The following SENP2 variants were observed in gnomAD, a reference collection of about 807,000 sequenced individuals.
SENP2 encodes the protein sentrin-specific protease 2.
A neutral mutation model predicts 86.3 loss-of-function variants in SENP2; 16 were observed. The observed-to-expected ratio is 0.19, with a 90% CI of 0.13 to 0.28. The LOEUF is 0.28. SENP2 is among the 10% of genes least tolerant of loss of function. SENP2 has a pLI of 1.00. For synonymous variants in SENP2, 222 were observed against 238.7 expected (o/e 0.93, Z 0.64); for missense variants, 552 against 703.0 (o/e 0.79, Z 2.43).
intron 5 of SENP2, among the ~76,000 whole-genome samples, chr3:185,601,233 T>G (rs1222430920): frequency 1.3e-5 from 2 of 151,724 alleles, no homozygotes; most frequent in Non-Finnish European, 2.9e-5. Context: ...TTAGTAGATA[T>G]GGGGTTTCGC....
At position 185,606,495 on chromosome 3, in the gene SENP2, G is replaced by T; in HGVS notation, c.615G>T (p.Glu205Asp). Reference protein sequence around the residue: ...KGLRRPHCTVEEGVQKEEREK... With the variant: ...KGLRRPHCTVDEGVQKEEREK... Reference sequence around the variant, plus strand: ...TGAGGCGTCCCCATTGTACTGTGGAGGAGGTAAGCCTTTTCAGCTTGATTT... The same window carrying T: ...TGAGGCGTCCCCATTGTACTGTGGATGAGGTAAGCCTTTTCAGCTTGATTT... Residue 205 changes from glutamate (E) to aspartate (D), a missense_variant, in exon 6 of 17, where the codon GAG becomes GAT. Glu to Asp is a conservative substitution (Grantham distance 45, BLOSUM62 2). Around this residue, in one of 2 missense-constraint regions of SENP2, gnomAD observed 383 missense variants for 427.3 expected, o/e 0.90. Transcript: ENST00000296257. 1 of 1,583,526 alleles carries T rather than the reference G, an allele frequency of 6.3e-7. No individual in the cohort carries two copies. The highest frequency in any genetic ancestry group is 8.5e-7 in the Non-Finnish European group (1 of 1,170,082).
intron 9 of SENP2, among the ~76,000 whole-genome samples, chr3:185,613,088 A>ATTC (rs1722747562): frequency 6.6e-6 from 1 of 152,238 alleles, no homozygotes; most frequent in Admixed American, 6.5e-5. Flanking sequence ...GAACATGCGA[A>ATTC]TTCATTTACA....
Position 185,629,958 on chromosome 3 carries a change from G to A in SENP2, c.*114G>A. The A allele has an allele frequency of 9.3e-7, 1 of 1,080,992 alleles. No individual in the cohort carries two copies. Among genetic ancestry groups the A allele is most frequent in the Non-Finnish European group, 1.4e-6 (1 of 718,516 alleles). 67.0% of individuals were successfully genotyped at this position (1,080,992 alleles called of 1,614,324 possible). A position where few individuals can be genotyped will look rare whatever the true frequency, so the allele number is the denominator to read the frequency against. ...CATCACTTCTGTTCTCACAGGTACTGAGCTGTCAAAAGTGCATGAAGGCCT... is the reference window on the plus strand; with the variant it reads ...CATCACTTCTGTTCTCACAGGTACTAAGCTGTCAAAAGTGCATGAAGGCCT... On this transcript the variant is annotated 3_prime_UTR_variant, in exon 17 of 17. Transcript: ENST00000296257.
chr3:185,598,035 C>T (rs1223604874), intron 2 of SENP2, among the ~76,000 whole-genome samples: 1 of 151,602 alleles, frequency 6.6e-6, no homozygotes, highest in Non-Finnish European at 1.5e-5. Context: ...TTTTCAGAGA[C>T]AGAGTCTCAC....
In SENP2 at chr3:185,614,720, G is replaced by A. The variant is rs772605303; in HGVS notation, c.1090G>A (p.Asp364Asn). The A allele has an allele frequency of 2.5e-6, 4 of 1,613,950 alleles. No homozygotes were observed. The highest frequency in any genetic ancestry group is 1.1e-5 in the South Asian group (1 of 91,066). The change falls in exon 11 of 17, where the codon GAT becomes AAT. Residue 364 changes from aspartate (D) to asparagine (N), a missense_variant. Physicochemically the swap from Asp to Asn is conservative, Grantham distance 23. Around this residue, in one of 2 missense-constraint regions of SENP2, gnomAD observed 169 missense variants for 275.7 expected, o/e 0.61. Transcript: ENST00000296257. ...SGKERDRRTD[D>N]LLELTEDMEK... ...CAAAGAGAGGGACAGAAGAACGGAC[G>A]ATCTCCTTGAACTTACAGAGGTATT...
rs371706218 is a variant in SENP2, at chr3:185,599,597, G to C, written c.358+573G>C. On this transcript the variant is annotated intron_variant, in intron 4 of 16. Transcript: ENST00000296257. ...CCACTCAGGAAGGCTTGTAAAGTTGGGGGGGAAGGAAGTTAAGGAAAATGA... is the reference window on the plus strand; with the variant it reads ...CCACTCAGGAAGGCTTGTAAAGTTGCGGGGGAAGGAAGTTAAGGAAAATGA... 7.1e-4 allele frequency among the ~76,000 whole-genome samples: 108 copies of C among 152,182 alleles called. 4 individuals are homozygous for C. The South Asian group carries it at 0.021, about 30-fold the overall frequency.
intron 1 of SENP2, among the ~76,000 whole-genome samples, chr3:185,589,183 C>G: frequency 6.6e-6 from 1 of 151,720 alleles, no homozygotes; most frequent in East Asian, 1.9e-4. Flanking sequence ...CTGAAACTTT[C>G]CTCAATTCCA....
intron 10 of SENP2, among the ~76,000 whole-genome samples, chr3:185,614,348 G>C (rs561936833): frequency 1.7e-4 from 26 of 152,330 alleles, no homozygotes; most frequent in Non-Finnish European, 3.4e-4. Flanking sequence ...TGTTCTGTTT[G>C]ATGGTTCATA....
intron 2 of SENP2, among the ~76,000 whole-genome samples, chr3:185,593,489 T>C (rs1722074987): frequency 1.3e-5 from 2 of 152,090 alleles, no homozygotes; most frequent in Non-Finnish European, 2.9e-5. Flanking sequence ...TAGATACCAA[T>C]TTAGGAAATG....
rs1341416821 is a variant in SENP2, at chr3:185,586,539, C to T, written c.101+25C>T. On this transcript the variant is annotated intron_variant, in intron 1 of 16. Transcript: ENST00000296257. The surrounding 1 kb of genome is among the most constrained non-coding windows in gnomAD (Gnocchi z 4.3). ...GGTGAGACGAGAGGGGGCTGAGCGC[C>T]AGCCTGGCCTTACCCCCTCCCCCAC... is the stretch of plus-strand genomic sequence containing the variant. 5 of 1,598,768 alleles carry T rather than the reference C, an allele frequency of 3.1e-6. No homozygotes were observed. Among genetic ancestry groups the T allele is most frequent in the Non-Finnish European group, 4.3e-6 (5 of 1,170,568 alleles).
At chr3:185,623,935 A>C in intron 14 of SENP2, 63 bp from the exon 15 acceptor site, 1 of 941,582 alleles carries the variant, frequency 1.1e-6, no homozygotes, top group Admixed American at 2.1e-5. Context: ...AGCCCTATGT[A>C]ACCATAATGG....
intron 16 of SENP2, among the ~76,000 whole-genome samples, chr3:185,629,447 A>G (rs1577751876): frequency 6.6e-6 from 1 of 152,226 alleles, no homozygotes; most frequent in South Asian, 2.1e-4. Flanking sequence ...GTGTGCTGGC[A>G]CATACCTGTA....
rs370299367 is a variant in SENP2 at position 185,614,535 on chromosome 3, C to G, written c.934-29C>G. 1.6e-4 allele frequency: 258 copies of G among 1,571,340 alleles called. 2 individuals carry two copies. The African/African-American group carries it at 3.4e-3, about 21-fold the overall frequency. ...TTATATTTGCAAGTATCAAACATGT[C>G]AGTAGAATTTAGATAATTTTTTGAT... is the stretch of plus-strand genomic sequence containing the variant. On this transcript the variant is annotated intron_variant, in intron 10 of 16. Transcript: ENST00000296257.
chr3:185,611,094 G>A (rs1201494341), intron 7 of SENP2, among the ~76,000 whole-genome samples: 1 of 152,132 alleles, frequency 6.6e-6, no homozygotes, highest in East Asian at 1.9e-4. Flanking sequence ...TGACCAACAT[G>A]GCGAAACCCC....
chr3:185,600,520 C>T (rs1722311101), intron 4 of SENP2, among the ~76,000 whole-genome samples: 1 of 152,158 alleles, frequency 6.6e-6, no homozygotes, highest in African/African-American at 2.4e-5. Context: ...TCAAGCAAAA[C>T]AAGCAAAGCC....
At chr3:185,595,319 C>T (rs1046632196) in intron 2 of SENP2, among the ~76,000 whole-genome samples, 1 of 152,210 alleles carries the variant, frequency 6.6e-6, no homozygotes, top group African/African-American at 2.4e-5. Context: ...CGCTAAAGCT[C>T]TTCTTCTCCT....
At position 185,621,935 on chromosome 3, in the gene SENP2, C is replaced by T. The variant is rs1458811969; in HGVS notation, c.1526+30C>T. ...GTAAAGGTTGAAAACCTCACTACCC[C>T]CTGTTGAGGTGATCTCTCTTTTATC... On this transcript the variant is annotated intron_variant, in intron 14 of 16. Transcript: ENST00000296257. 5.0e-6 allele frequency: 7 copies of T among 1,405,988 alleles called. No individual in the cohort carries two copies. In the East Asian group the frequency reaches 1.4e-4, roughly 28 times the overall value. 87.1% of individuals were successfully genotyped at this position (1,405,988 alleles called of 1,614,324 possible).
At chr3:185,592,007 A>ATTTTTTTTTT (rs1261238822) in intron 2 of SENP2, among the ~76,000 whole-genome samples, 537 of 34,874 alleles carry the variant, frequency 0.015, 21 homozygotes, top group East Asian at 0.068. Context: ...AACCGGTAAT[A>ATTTTTTTTTT]TTTCTTTTTT....
At chr3:185,624,825 A>T (rs71320312) in intron 15 of SENP2, among the ~76,000 whole-genome samples, 1 of 150,892 alleles carries the variant, frequency 6.6e-6, no homozygotes, top group Admixed American at 6.6e-5. Context: ...CCGAGATCGC[A>T]CCACTGCACT....
Sources: allele counts gnomAD v4.1 joint callset (sites outside exome capture counted in the v4.1 genomes callset), GRCh38; gene constraint gnomAD v4.1.1; regional missense constraint gnomAD v4.1.1; non-coding constraint Gnocchi (gnomAD v3.1); transcripts MANE v1.5; gene names NCBI Gene and HGNC (gene_info 2026-07-23, HGNC 2026-07-21).